Variants in ATP11C observed in about 807,000 individuals in gnomAD.
The protein encoded by ATP11C is phospholipid-transporting ATPase IG.
Under a neutral mutation model 97.4 loss-of-function variants are expected in ATP11C, and 36 were observed. That is an observed-to-expected ratio of 0.37 (90% CI 0.28 to 0.49). The LOEUF is 0.49. Ranked by LOEUF, ATP11C falls within the 20% of genes least tolerant of loss-of-function variation. The pLI is 0.98. For synonymous variants in ATP11C, 275 were observed against 290.9 expected, an observed-to-expected ratio of 0.95 and a Z score of 0.56; for missense variants, 730 against 824.6, an observed-to-expected ratio of 0.89 and a Z score of 1.40.
Position 139,768,285 on chromosome X carries a change from C to G in ATP11C, c.2366G>C (p.Arg789Pro). 8.9e-7 allele frequency: 1 copy of G among 1,123,433 alleles called. No homozygotes were observed. Among genetic ancestry groups the G allele is most frequent in the Non-Finnish European group, 1.2e-6 (1 of 847,651 alleles). 92.6% of individuals were successfully genotyped at this position (1,123,433 alleles called of 1,213,427 possible). The part of the protein sequence containing the change: ...CMKCTAVLCC[R>P]MAPLQKAQIV... ...CTGGGCTTTCTGTAATGGTGCCATC[C>G]GACAGCAGAGCACTGCAGTACACTT... is the stretch of plus-strand genomic sequence containing the variant. The change falls in exon 20 of 30, where the codon CGG (arginine) becomes CCG (proline). Residue 789 changes from arginine (R) to proline (P), a missense_variant. Transcript: ENST00000682941.
chrX:139,798,136 T>A (rs2082840439), intron 10 of ATP11C, 137 bp downstream of exon 10: 15 of 514,301 alleles, frequency 2.9e-5, no homozygotes, highest in Middle Eastern at 5.6e-4. Context: ...GCACAGTTTC[T>A]GGTACATAAA....
At chrX:139,784,037 G>T (rs1448593774) in intron 16 of ATP11C, among the ~76,000 whole-genome samples, 2 of 112,106 alleles carry the variant, frequency 1.8e-5, no homozygotes, top group African/African-American at 6.5e-5. Flanking sequence ...TAGCTTTGTA[G>T]AATGCTGGTA....
At chrX:139,887,954 G>C (rs180746522) in intron 1 of ATP11C, among the ~76,000 whole-genome samples, 1,133 of 92,825 alleles carry the variant, frequency 0.012, 9 homozygotes, top group Middle Eastern at 0.034. Context: ...CTGGGCGATA[G>C]AGCAAGACTC....
intron 1 of ATP11C, among the ~76,000 whole-genome samples, chrX:139,853,037 G>A (rs775518123): frequency 3.6e-5 from 4 of 110,814 alleles, no homozygotes; most frequent in Admixed American, 9.6e-5. Flanking sequence ...CAGGCAAAGC[G>A]AGACTTCCCT....
intron 27 of ATP11C, among the ~76,000 whole-genome samples, chrX:139,739,291 G>GT (rs1276136008): frequency 1.4e-3 from 140 of 100,394 alleles, no homozygotes; most frequent in South Asian, 0.011. Context: ...GTTGTTTTTT[G>GT]TTTTTTTTTT....
Position 139,918,178 on chromosome X carries a change from A to G in ATP11C, c.27+13838T>C, listed in dbSNP as rs147306773. Among the ~76,000 whole-genome samples, 426 of 111,769 alleles carry G rather than the reference A, an allele frequency of 3.8e-3. 2 individuals are homozygous for G. The highest frequency in any genetic ancestry group is 0.013 in the African/African-American group (397 of 30,789). ...CAAAGAATTGAAAGCACAATCTCGA[A>G]GAGAGATATTTGCACACTGATGTTC... On this transcript the variant is annotated intron_variant, in intron 1 of 29. Transcript: ENST00000682941.
chrX:139,794,460 A>G (rs1349661211), intron 12 of ATP11C, among the ~76,000 whole-genome samples: 1 of 112,395 alleles, frequency 8.9e-6, no homozygotes. Context: ...ATGCAAACTG[A>G]TAACAATGGC....
rs762296101 is a variant in ATP11C at position 139,878,415 on chromosome X, G to A, written c.28-51592C>T. On this transcript the variant is annotated intron_variant, in intron 1 of 29. Coordinates refer to ENST00000682941, the MANE Select transcript of ATP11C (RefSeq NM_001353812.2). ...GCCAAATATTGGCAATAATAGTTAC[G>A]GACAGAAAATAAAATTAATATGTTT... Among the ~76,000 whole-genome samples the A allele has an allele frequency of 8.0e-5, 9 of 111,932 alleles. No homozygotes were observed. The South Asian group carries it at 2.2e-3, about 27-fold the overall frequency.
At position 139,821,977 on chromosome X, in the gene ATP11C, T is replaced by C. The variant is rs111357199; in HGVS notation, c.148-2550A>G. Among the ~76,000 whole-genome samples the C allele has an allele frequency of 9.6e-3, 1,083 of 112,241 alleles. 21 individuals carry two copies. Among genetic ancestry groups the C allele is most frequent in the African/African-American group, 0.034 (1,043 of 30,956 alleles). ...TAAAAGTGAAATTGAGTTACAGCCA[T>C]ATACATCAAGTTATTCAAATTAACT... is the stretch of plus-strand genomic sequence containing the variant. On this transcript the variant is annotated intron_variant, in intron 2 of 29. Coordinates refer to ENST00000682941, the MANE Select transcript of ATP11C (RefSeq NM_001353812.2).
At chrX:139,742,873 AAAAATATATATATATATATAT>A (rs1169942930) in intron 26 of ATP11C, among the ~76,000 whole-genome samples, 38 of 26,376 alleles carry the variant, frequency 1.4e-3, no homozygotes, top group East Asian at 0.012. Flanking sequence ...TTAAAAAAAA[AAAAATATATATATATATATAT>A]ATATATATAT....
chrX:139,773,899 T>A (rs974700257), intron 19 of ATP11C, among the ~76,000 whole-genome samples: 2 of 112,567 alleles, frequency 1.8e-5, no homozygotes, highest in African/African-American at 6.5e-5. Flanking sequence ...TTGTTAATGA[T>A]GATTAAATAA....
intron 2 of ATP11C, among the ~76,000 whole-genome samples, chrX:139,824,785 A>G (rs1440336165): frequency 8.9e-6 from 1 of 112,201 alleles, no homozygotes; most frequent in Non-Finnish European, 1.9e-5. Flanking sequence ...TTATAATGTC[A>G]CATTACTGGT....
chrX:139,897,663 T>A (rs1385725756), intron 1 of ATP11C, among the ~76,000 whole-genome samples: 1 of 97,955 alleles, frequency 1.0e-5, no homozygotes, highest in Non-Finnish European at 2.0e-5. Context: ...AGAGTAAGAC[T>A]CTGTCTCAAA....
chrX:139,818,827 A>T, intron 3 of ATP11C, among the ~76,000 whole-genome samples: 1 of 112,418 alleles, frequency 8.9e-6, no homozygotes, highest in Non-Finnish European at 1.9e-5. Flanking sequence ...ACACAATTTA[A>T]ACTGTCTAAA....
At chrX:139,749,673 G>A (rs185690687) in intron 24 of ATP11C, among the ~76,000 whole-genome samples, 1 of 111,973 alleles carries the variant, frequency 8.9e-6, no homozygotes, top group Non-Finnish European at 1.9e-5. Flanking sequence ...ACAACAAGTA[G>A]GAATCAATAT....
rs186775500 is a variant in ATP11C, at chrX:139,863,714, C to A, written c.28-36891G>T. On this transcript the variant is annotated intron_variant, in intron 1 of 29. Coordinates refer to ENST00000682941, the MANE Select transcript of ATP11C (RefSeq NM_001353812.2). ...CATTTTACTGATGGAAAGTACATTT[C>A]CAAAGAATGTTGAAGCCATAAGAAA... Among the ~76,000 whole-genome samples the A allele has an allele frequency of 1.8e-3, 197 of 110,086 alleles. 2 individuals are homozygous for A. The highest frequency in any genetic ancestry group is 6.0e-3 in the African/African-American group (181 of 30,281).
chrX:139,763,225 A>C, intron 21 of ATP11C, 91 bp downstream of exon 21: 1 of 688,972 alleles, frequency 1.5e-6, no homozygotes, highest in Non-Finnish European at 2.2e-6. Context: ...AAGATGAGTA[A>C]CCAAAACAGT....
chrX:139,776,990 T>C (rs2082361401), intron 18 of ATP11C, among the ~76,000 whole-genome samples: 1 of 110,907 alleles, frequency 9.0e-6, no homozygotes, highest in South Asian at 3.8e-4. Context: ...TATACCACAG[T>C]CATATCCTCA....
chrX:139,726,575 A>G lies in ATP11C; in HGVS notation c.*2391T>C, dbSNP rs1157222001. The G allele has an allele frequency of 8.9e-6, 1 of 112,731 alleles. No homozygotes were observed. Among genetic ancestry groups the G allele is most frequent in the Non-Finnish European group, 1.9e-5 (1 of 53,275 alleles). The allele number at this position is 112,731 out of a possible 1,213,427, so 9.3% of individuals were successfully genotyped here. ...TCTGCACATTTATATACTGCATGTT[A>G]TTAAAAAATTCCATCACTAAATTAT... On this transcript the variant is annotated 3_prime_UTR_variant, in exon 30 of 30. Transcript: ENST00000682941.
Sources: allele counts gnomAD v4.1 joint callset (sites outside exome capture counted in the v4.1 genomes callset), GRCh38; gene constraint gnomAD v4.1.1; transcripts MANE v1.5; gene names NCBI Gene and HGNC (gene_info 2026-07-23, HGNC 2026-07-21).